SNRK: variants seen among roughly 807,000 people sequenced by gnomAD.
SNRK encodes the protein SNF related kinase, also known as SNF-related serine/threonine-protein kinase.
Under a neutral mutation model 48.2 loss-of-function variants are expected in SNRK, and 3 were observed. That is an observed-to-expected ratio of 0.06 (90% CI 0.03 to 0.16). The LOEUF is 0.16. SNRK is among the 10% of genes least tolerant of loss of function. The pLI is 1.00. For synonymous variants in SNRK, 376 were observed against 366.1 expected, an observed-to-expected ratio of 1.03 and a Z score of -0.31; for missense variants, 627 against 976.0, an observed-to-expected ratio of 0.64 and a Z score of 4.76.
In SNRK at chr3:43,342,632, C is replaced by T. The variant is rs549627170; in HGVS notation, c.945-712C>T. 2.0e-5 allele frequency among the ~76,000 whole-genome samples: 3 copies of T among 152,314 alleles called. No individual in the cohort carries two copies. The East Asian group carries it at 5.8e-4, about 29-fold the overall frequency. ...GTATTTCCTGGCCTTGTGGAATCCG[C>T]CAAAGCCAAAGCACACTCCTAGTAT... On this transcript the variant is annotated intron_variant, in intron 5 of 6. Coordinates refer to ENST00000296088, the MANE Select transcript of SNRK (RefSeq NM_017719.5).
intron 1 of SNRK, among the ~76,000 whole-genome samples, chr3:43,288,321 G>C (rs777684886): frequency 1.3e-5 from 2 of 151,896 alleles, no homozygotes; most frequent in Non-Finnish European, 2.9e-5. Flanking sequence ...TAATAATTCT[G>C]AGTATTTTTT....
chr3:43,297,597 C>A (rs377558853), intron 1 of SNRK, among the ~76,000 whole-genome samples: 1 of 151,744 alleles, frequency 6.6e-6, no homozygotes, highest in African/African-American at 2.4e-5. Flanking sequence ...TCCTCCCCCC[C>A]TTTTTTACTA....
At chr3:43,310,861 A>G (rs745869093) in intron 3 of SNRK, among the ~76,000 whole-genome samples, 4 of 152,134 alleles carry the variant, frequency 2.6e-5, no homozygotes, top group Admixed American at 2.0e-4. Flanking sequence ...TTCATTAAGC[A>G]GGTTTTCTTG....
chr3:43,290,936 A>T (rs1388040639), intron 1 of SNRK, among the ~76,000 whole-genome samples: 1 of 152,186 alleles, frequency 6.6e-6, no homozygotes, highest in Non-Finnish European at 1.5e-5. Flanking sequence ...CCACACAGTC[A>T]CACAAATAAT....
chr3:43,311,295 C>A (rs1484805688), intron 3 of SNRK, among the ~76,000 whole-genome samples: 1 of 152,126 alleles, frequency 6.6e-6, no homozygotes, highest in Admixed American at 6.6e-5. Flanking sequence ...GGGTGCAGTT[C>A]TTTCCTGTTT....
chr3:43,291,238 C>T (rs972134943), intron 1 of SNRK, among the ~76,000 whole-genome samples: 1 of 152,182 alleles, frequency 6.6e-6, no homozygotes. Context: ...TCTTCCTTAC[C>T]GTTGCCAGTT....
intron 4 of SNRK, chr3:43,333,167 C>G (rs1311165672): frequency 6.6e-6 from 1 of 151,682 alleles, no homozygotes; most frequent in African/African-American, 2.4e-5. Context: ...GTCAGGAGAT[C>G]GAGACCATCC....
chr3:43,302,808 G>A lies in SNRK; in HGVS notation c.-106-290G>A, dbSNP rs555076837. ...TAGAAAATGTTTGTTTTTTAAACATGCTTATCAAACTTGCCAGTTTTCTTA... is the reference window on the plus strand; with the variant it reads ...TAGAAAATGTTTGTTTTTTAAACATACTTATCAAACTTGCCAGTTTTCTTA... On this transcript the variant is annotated intron_variant, in intron 2 of 6. Transcript: ENST00000296088. 7.9e-5 allele frequency among the ~76,000 whole-genome samples: 12 copies of A among 152,126 alleles called. No homozygotes were observed. In the South Asian group the frequency reaches 2.3e-3, roughly 29 times the overall value.
chr3:43,296,056 A>C (rs753974158), intron 1 of SNRK, among the ~76,000 whole-genome samples: 6 of 152,130 alleles, frequency 3.9e-5, no homozygotes, highest in Non-Finnish European at 7.4e-5. Flanking sequence ...ATTTACTTTG[A>C]ATAAAGAAAA....
At chr3:43,337,870 C>CATGGGGATT (rs1350061341) in intron 4 of SNRK, among the ~76,000 whole-genome samples, 1 of 152,134 alleles carries the variant, frequency 6.6e-6, no homozygotes, top group Admixed American at 6.5e-5. Flanking sequence ...TCTGTTGACA[C>CATGGGGATT]ATGGGGATTA....
At chr3:43,326,922 A>G (rs942275319) in intron 3 of SNRK, among the ~76,000 whole-genome samples, 1 of 152,136 alleles carries the variant, frequency 6.6e-6, no homozygotes, top group Non-Finnish European at 1.5e-5. Flanking sequence ...AAATAATAAA[A>G]CCTTGCTTCT....
At chr3:43,310,248 T>C (rs1398709665) in intron 3 of SNRK, among the ~76,000 whole-genome samples, 1 of 152,198 alleles carries the variant, frequency 6.6e-6, no homozygotes, top group Non-Finnish European at 1.5e-5. Context: ...TTCATTTGCC[T>C]TATTATTTAT....
intron 3 of SNRK, among the ~76,000 whole-genome samples, chr3:43,331,732 C>T (rs1034814357): frequency 6.6e-6 from 1 of 152,114 alleles, no homozygotes; most frequent in Non-Finnish European, 1.5e-5. Context: ...ACCTGGTTAC[C>T]TCACTAGCGT....
rs1369641112 is a variant in SNRK at position 43,332,486 on chromosome 3, G to T, written c.731+176G>T. 2.4e-5 allele frequency: 9 copies of T among 379,906 alleles called. 2 individuals carry two copies. Among genetic ancestry groups the T allele is most frequent in the Non-Finnish European group, 4.2e-5 (9 of 216,754 alleles). 23.5% of individuals were successfully genotyped at this position (379,906 alleles called of 1,614,324 possible). ...GTTTCAGAGTGTTCGGTCGGCGGGG[G>T]TGGGGGTGGTTAGCCCCTGAATATG... On this transcript the variant is annotated intron_variant, in intron 4 of 6. Coordinates refer to ENST00000296088, the MANE Select transcript of SNRK (RefSeq NM_017719.5).
intron 3 of SNRK, among the ~76,000 whole-genome samples, chr3:43,325,143 C>T (rs1559466241): frequency 6.6e-6 from 1 of 152,140 alleles, no homozygotes; most frequent in African/African-American, 2.4e-5. Flanking sequence ...CTCAGCCTCA[C>T]ACAAAAGACT....
chr3:43,308,207 A>G (rs983189716), intron 3 of SNRK, among the ~76,000 whole-genome samples: 1 of 152,226 alleles, frequency 6.6e-6, no homozygotes, highest in African/African-American at 2.4e-5. Flanking sequence ...CATCTCCATA[A>G]CATAAAAGTA....
Position 43,348,032 on chromosome 3 carries a change from A to C in SNRK, c.1773A>C (p.Gly591=). 6.2e-6 allele frequency: 10 copies of C among 1,609,804 alleles called. No individual in the cohort carries two copies. Among genetic ancestry groups the C allele is most frequent in the Non-Finnish European group, 8.5e-6 (10 of 1,177,814 alleles). ...GGQSKPSNAS[G]GVDKASPSEN... is the part of the protein sequence containing the mutation. ...AGAGCAAGCCAAGCAATGCCAGTGGAGGGGTGGACAAGGCCAGCCCCAGTG... is the reference window on the plus strand; with the variant it reads ...AGAGCAAGCCAAGCAATGCCAGTGGCGGGGTGGACAAGGCCAGCCCCAGTG... Residue 591 remains glycine, a synonymous_variant, in exon 7 of 7, where the codon GGA becomes GGC. Coordinates refer to ENST00000296088, the MANE Select transcript of SNRK (RefSeq NM_017719.5).
intron 3 of SNRK, among the ~76,000 whole-genome samples, chr3:43,325,110 A>G (rs1169946141): frequency 6.6e-6 from 1 of 152,172 alleles, no homozygotes; most frequent in Non-Finnish European, 1.5e-5. Context: ...AATAGCTTGT[A>G]TATTCATCTT....
chr3:43,322,527 A>G (rs2091061511), intron 3 of SNRK, among the ~76,000 whole-genome samples: 1 of 152,216 alleles, frequency 6.6e-6, no homozygotes, highest in Non-Finnish European at 1.5e-5. Flanking sequence ...ATCAATGACA[A>G]ACTCCCCTAT....
Sources: gnomAD v4.1 joint callset for allele counts (sites outside exome capture counted in the v4.1 genomes callset) on GRCh38, gnomAD v4.1.1 for gene constraint, MANE v1.5 for transcripts, NCBI Gene and HGNC (gene_info 2026-07-23, HGNC 2026-07-21) for gene names.